The following GALNT17 variants were observed in gnomAD, a reference collection of about 807,000 sequenced individuals.
The protein encoded by GALNT17 is polypeptide N-acetylgalactosaminyltransferase 17, also known as UDP-GalNAc:polypeptide N-acetylgalactosaminyltransferase-like 3.
In GALNT17, 29 loss-of-function variants were observed where a neutral mutation model predicts 63.7. That is an observed-to-expected ratio of 0.46 (90% confidence interval 0.34 to 0.62). The LOEUF is 0.62. Ranked by LOEUF, GALNT17 falls within the 20% of genes least tolerant of loss-of-function variation. The probability of loss-of-function intolerance (pLI) is 0.01; values close to 1 mark genes in which losing one functional copy is unlikely to be tolerated. For synonymous variants in GALNT17, 305 were observed against 318.3 expected (o/e 0.96, Z 0.45); for missense variants, 603 against 799.6 (o/e 0.75, Z 2.97).
intron 1 of GALNT17, among the ~76,000 whole-genome samples, chr7:71,286,270 T>A (rs1486170125): frequency 6.6e-6 from 1 of 152,220 alleles, no homozygotes; most frequent in Non-Finnish European, 1.5e-5. Context: ...GTTGATTACT[T>A]CTGGAAGTGA....
rs1250027269 is a variant in GALNT17, at chr7:71,454,535, A to G, written c.962+33430A>G. Among the ~76,000 whole-genome samples the G allele has an allele frequency of 2.6e-5, 4 of 152,324 alleles. No homozygotes were observed. In the East Asian group the frequency reaches 7.7e-4, roughly 29 times the overall value. ...TAAATGGTTGCAGCCTTCCCAGGCC[A>G]TTCTGACAGCCTGGGAAGTGTAGCC... On this transcript the variant is annotated intron_variant, in intron 5 of 10. Coordinates refer to ENST00000333538, the MANE Select transcript of GALNT17 (RefSeq NM_022479.3).
chr7:71,537,972 C>T (rs1283973770), intron 5 of GALNT17, among the ~76,000 whole-genome samples: 3 of 152,150 alleles, frequency 2.0e-5, no homozygotes, highest in Non-Finnish European at 4.4e-5. Flanking sequence ...AGATTATTCC[C>T]TGGAGCCCAT....
At chr7:71,669,605 G>A (rs1284160447) in intron 7 of GALNT17, among the ~76,000 whole-genome samples, 4 of 146,946 alleles carry the variant, frequency 2.7e-5, no homozygotes, top group Admixed American at 1.4e-4. Context: ...ACTGTCACCT[G>A]GGCTAGAGTG....
At chr7:71,207,938 C>CT (rs889337950) in intron 1 of GALNT17, among the ~76,000 whole-genome samples, 2,447 of 145,048 alleles carry the variant, frequency 0.017, 51 homozygotes, top group African/African-American at 0.049. Flanking sequence ...TTTCTTTTTT[C>CT]TTTTTTTTTT....
intron 1 of GALNT17, among the ~76,000 whole-genome samples, chr7:71,310,946 G>A (rs1791404994): frequency 6.6e-6 from 1 of 152,234 alleles, no homozygotes; most frequent in African/African-American, 2.4e-5. Flanking sequence ...CACTAGTCCA[G>A]TAAATCCTGC....
intron 9 of GALNT17, among the ~76,000 whole-genome samples, chr7:71,687,946 C>G (rs1037302913): frequency 6.6e-6 from 1 of 152,188 alleles, no homozygotes; most frequent in East Asian, 1.9e-4. Flanking sequence ...GATTCTCCCC[C>G]CTCAGCCTCC....
intron 9 of GALNT17, among the ~76,000 whole-genome samples, chr7:71,708,253 T>A (rs1434372187): frequency 1.3e-5 from 2 of 152,186 alleles, no homozygotes; most frequent in African/African-American, 4.8e-5. Context: ...TTTAATGGAC[T>A]CATAGTTCTA....
intron 5 of GALNT17, among the ~76,000 whole-genome samples, chr7:71,527,713 TAAG>T (rs1788647620): frequency 1.3e-5 from 2 of 152,356 alleles, no homozygotes; most frequent in East Asian, 1.9e-4. Flanking sequence ...TGGCAGTTTC[TAAG>T]AAGAGACCTT....
chr7:71,329,826 T>C (rs1791771588), intron 1 of GALNT17, among the ~76,000 whole-genome samples: 1 of 151,716 alleles, frequency 6.6e-6, no homozygotes, highest in Admixed American at 6.6e-5. Flanking sequence ...GAGATTTGGG[T>C]AAGGAGACAG....
chr7:71,596,468 A>G (rs1789888831), intron 6 of GALNT17, among the ~76,000 whole-genome samples: 1 of 152,100 alleles, frequency 6.6e-6, no homozygotes, highest in Non-Finnish European at 1.5e-5. Flanking sequence ...AGTACCTGCA[A>G]AGACAGAGGA....
chr7:71,552,665 C>T (rs184287828), intron 5 of GALNT17, among the ~76,000 whole-genome samples: 196 of 152,160 alleles, frequency 1.3e-3, no homozygotes, highest in Non-Finnish European at 2.3e-3. Context: ...TGGTCTCAAA[C>T]TCCTGACCTT....
At chr7:71,518,470 C>T (rs1423422845) in intron 5 of GALNT17, among the ~76,000 whole-genome samples, 2 of 152,172 alleles carry the variant, frequency 1.3e-5, no homozygotes, top group East Asian at 1.9e-4. Context: ...TGTGGTGTTT[C>T]TTAGAGTCCT....
intron 1 of GALNT17, among the ~76,000 whole-genome samples, chr7:71,263,013 A>G (rs1289208053): frequency 6.6e-6 from 1 of 152,004 alleles, no homozygotes; most frequent in African/African-American, 2.4e-5. Context: ...GGAAATTTGG[A>G]CACACATGTG....
At chr7:71,158,275 G>A (rs1388917855) in intron 1 of GALNT17, among the ~76,000 whole-genome samples, 1 of 151,700 alleles carries the variant, frequency 6.6e-6, no homozygotes, top group Non-Finnish European at 1.5e-5. Flanking sequence ...GTGGTTTCGT[G>A]GCCAAGGTAG....
intron 2 of GALNT17, among the ~76,000 whole-genome samples, chr7:71,352,134 C>A (rs550879862): frequency 2.6e-5 from 4 of 152,242 alleles, no homozygotes; most frequent in Non-Finnish European, 5.9e-5. Context: ...TTCCCCCATA[C>A]TGTTCTCATG....
intron 5 of GALNT17, among the ~76,000 whole-genome samples, chr7:71,553,508 A>G (rs1225960495): frequency 3.3e-5 from 5 of 152,180 alleles, no homozygotes; most frequent in Non-Finnish European, 5.9e-5. Context: ...CAGACTGCCA[A>G]ATTACTTTCC....
At chr7:71,370,087 C>T (rs1318163706) in intron 2 of GALNT17, among the ~76,000 whole-genome samples, 2 of 152,114 alleles carry the variant, frequency 1.3e-5, no homozygotes, top group African/African-American at 4.8e-5. Flanking sequence ...TTAGAGAGTT[C>T]GGCTTCTTAA....
rs541118925 is a variant in GALNT17 at position 71,266,112 on chromosome 7, G to A, written c.239-69438G>A. On this transcript the variant is annotated intron_variant, in intron 1 of 10. Transcript: ENST00000333538. ...CATCACTTTAGTCTCTGCATCTGTG[G>A]CTGCATGGACTTTGTTACTTTGATC... Among the ~76,000 whole-genome samples, 6 of 152,088 alleles carry A rather than the reference G, an allele frequency of 3.9e-5. No individual in the cohort carries two copies. The East Asian group carries it at 1.2e-3, about 29-fold the overall frequency.
intron 8 of GALNT17, among the ~76,000 whole-genome samples, chr7:71,673,806 A>G (rs926170691): frequency 6.6e-6 from 1 of 152,154 alleles, no homozygotes; most frequent in African/African-American, 2.4e-5. Context: ...TTTTGTTTTT[A>G]TAGAGGTCTC....
Sources: gnomAD v4.1 joint callset for allele counts (sites outside exome capture counted in the v4.1 genomes callset) on GRCh38, gnomAD v4.1.1 for gene constraint, MANE v1.5 for transcripts, NCBI Gene and HGNC (gene_info 2026-07-23, HGNC 2026-07-21) for gene names.